PDE11A: variants seen among roughly 807,000 people sequenced by gnomAD.
The protein encoded by PDE11A is dual 3',5'-cyclic-AMP and -GMP phosphodiesterase 11A.
A neutral mutation model predicts 100.5 loss-of-function variants in PDE11A; 100 were observed. The observed-to-expected ratio is 1.00, with a 90% CI of 0.85 to 1.18. The LOEUF (loss-of-function observed/expected upper bound fraction) is 1.18, where lower values mean the gene tolerates loss of function less well. PDE11A is among the 50% of genes most tolerant of loss of function. The pLI is 0.00. For missense variants in PDE11A, 1,141 were observed against 1,152.6 expected, an observed-to-expected ratio of 0.99 and a Z score of 0.15; for synonymous variants, 381 against 420.8, an observed-to-expected ratio of 0.91 and a Z score of 1.16.
intron 9 of PDE11A, among the ~76,000 whole-genome samples, chr2:177,812,926 A>G (rs2082969439): frequency 1.2e-5 from 1 of 85,902 alleles, no homozygotes; most frequent in South Asian, 3.2e-4. Context: ...TAGAATTTGT[A>G]TCCAACACTG....
intron 1 of PDE11A, among the ~76,000 whole-genome samples, chr2:178,053,668 A>AGG (rs1559055839): frequency 6.6e-6 from 1 of 152,248 alleles, no homozygotes; most frequent in Non-Finnish European, 1.5e-5. Context: ...CAGCAGTCTC[A>AGG]GGATACAACA....
intron 9 of PDE11A, among the ~76,000 whole-genome samples, chr2:177,782,922 A>AAAACAAACAAAC (rs57261659): frequency 1.3e-5 from 2 of 150,330 alleles, no homozygotes; most frequent in African/African-American, 4.9e-5. Flanking sequence ...AAGTTGCATC[A>AAAACAAACAAAC]AAACAAACAA....
At chr2:177,648,614 A>G (rs1284168986) in intron 19 of PDE11A, among the ~76,000 whole-genome samples, 1 of 152,160 alleles carries the variant, frequency 6.6e-6, no homozygotes, top group African/African-American at 2.4e-5. Flanking sequence ...ATATTGAAAA[A>G]GAATAATAAG....
chr2:177,946,939 AG>A, intron 2 of PDE11A, among the ~76,000 whole-genome samples: 1 of 94,252 alleles, frequency 1.1e-5, no homozygotes. Flanking sequence ...CTGCCCGGCC[AG>A]CCGCCCCGTC....
chr2:177,852,217 A>T (rs1223344842), intron 5 of PDE11A, among the ~76,000 whole-genome samples: 1 of 152,152 alleles, frequency 6.6e-6, no homozygotes, highest in Non-Finnish European at 1.5e-5. Context: ...GTGGGACTGA[A>T]AGTTTCAACA....
rs149069970 is a variant in PDE11A, at chr2:177,813,679, G to C, written c.1737+3150C>G. Among the ~76,000 whole-genome samples, 247 of 152,228 alleles carry C rather than the reference G, an allele frequency of 1.6e-3. 1 individual carries two copies. Among genetic ancestry groups the C allele is most frequent in the Middle Eastern group, 0.01 (3 of 294 alleles). On this transcript the variant is annotated intron_variant, in intron 9 of 19. Transcript: ENST00000286063. ...AGAACAGTGTGGTGCTGTCTCTTGAGTCTCATGAACACACAGCAAGACATG... is the reference window on the plus strand; with the variant it reads ...AGAACAGTGTGGTGCTGTCTCTTGACTCTCATGAACACACAGCAAGACATG...
intron 7 of PDE11A, among the ~76,000 whole-genome samples, chr2:177,819,890 C>CTCTCTCTCTCTCTCTCTCTCTCTCTCTG (rs1558954590): frequency 7.7e-4 from 107 of 138,626 alleles, no homozygotes; most frequent in African/African-American, 2.6e-3. Context: ...CTCTCTCTCT[C>CTCTCTCTCTCTCTCTCTCTCTCTCTCTG]TCTCTGTCTC....
At chr2:177,712,377 CTT>C (rs2081370484) in intron 12 of PDE11A, among the ~76,000 whole-genome samples, 1 of 147,946 alleles carries the variant, frequency 6.8e-6, no homozygotes, top group Non-Finnish European at 1.5e-5. Context: ...AAAGGAGACA[CTT>C]TAACATACTC....
At chr2:177,724,271 G>A (rs902217558) in intron 12 of PDE11A, among the ~76,000 whole-genome samples, 21 of 151,386 alleles carry the variant, frequency 1.4e-4, no homozygotes, top group African/African-American at 4.9e-4. Flanking sequence ...GGTTCCCAGT[G>A]AATAAAATGT....
At chr2:177,678,613 T>C (rs1392225813) in intron 16 of PDE11A, among the ~76,000 whole-genome samples, 1 of 152,128 alleles carries the variant, frequency 6.6e-6, no homozygotes, top group African/African-American at 2.4e-5. Context: ...CTACAGATGG[T>C]GCTCCCTTAG....
intron 9 of PDE11A, among the ~76,000 whole-genome samples, chr2:177,787,168 C>T (rs1450302252): frequency 2.1e-5 from 3 of 145,624 alleles, no homozygotes; most frequent in Non-Finnish European, 4.5e-5. Context: ...AAGGGAAGCC[C>T]ATCAGACTAA....
At chr2:178,034,564 G>A (rs1004544619) in intron 1 of PDE11A, among the ~76,000 whole-genome samples, 2 of 152,168 alleles carry the variant, frequency 1.3e-5, no homozygotes, top group Non-Finnish European at 2.9e-5. Flanking sequence ...CAAATCAACA[G>A]AATACACATT....
chr2:177,805,953 C>T (rs2082862582), intron 9 of PDE11A, among the ~76,000 whole-genome samples: 1 of 152,128 alleles, frequency 6.6e-6, no homozygotes, highest in African/African-American at 2.4e-5. Flanking sequence ...CTTTTATAGA[C>T]CAATAAAAAG....
chr2:177,955,130 T>A (rs902078924), intron 2 of PDE11A, among the ~76,000 whole-genome samples: 5 of 152,224 alleles, frequency 3.3e-5, no homozygotes. Context: ...GGCTTATTGA[T>A]GTTTTCTCTT....
intron 9 of PDE11A, among the ~76,000 whole-genome samples, chr2:177,809,621 T>G (rs1414663657): frequency 6.6e-6 from 1 of 152,100 alleles, no homozygotes; most frequent in Non-Finnish European, 1.5e-5. Context: ...GTACCTGAAT[T>G]GGGAGATAAG....
chr2:177,915,777 T>A lies in PDE11A; in HGVS notation c.1072-10590A>T, dbSNP rs563648308. ...AGCTTTGCAAGAAACTGCTAAGCTG[T>A]CTTCCAAAGTGGCTGTGCCATCTTG... On this transcript the variant is annotated intron_variant, in intron 2 of 19. Transcript: ENST00000286063. 5.9e-5 allele frequency among the ~76,000 whole-genome samples: 9 copies of A among 152,370 alleles called. No homozygotes were observed. The South Asian group carries it at 1.7e-3, about 28-fold the overall frequency.
intron 18 of PDE11A, among the ~76,000 whole-genome samples, chr2:177,666,395 A>G (rs2080582622): frequency 6.6e-6 from 1 of 152,162 alleles, no homozygotes; most frequent in Non-Finnish European, 1.5e-5. Flanking sequence ...GTATGTTTTC[A>G]TTTCTCTTGG....
At chr2:177,805,938 GA>G (rs2082862400) in intron 9 of PDE11A, among the ~76,000 whole-genome samples, 1 of 152,184 alleles carries the variant, frequency 6.6e-6, no homozygotes, top group Non-Finnish European at 1.5e-5. Flanking sequence ...CCAGTCAAGA[GA>G]AGCCTTTTAT....
chr2:177,678,644 G>A (rs2080815077), intron 16 of PDE11A, among the ~76,000 whole-genome samples: 1 of 152,182 alleles, frequency 6.6e-6, no homozygotes, highest in Non-Finnish European at 1.5e-5. Context: ...TTGGTGCAAG[G>A]TGGTCAGAGT....
Sources: allele counts gnomAD v4.1 joint callset (sites outside exome capture counted in the v4.1 genomes callset), GRCh38; gene constraint gnomAD v4.1.1; transcripts MANE v1.5; gene names NCBI Gene and HGNC (gene_info 2026-07-23, HGNC 2026-07-21).